Variants in SORCS3 observed in about 807,000 individuals in gnomAD.
SORCS3 encodes the protein sortilin related VPS10 domain containing receptor 3, also known as VPS10 domain-containing receptor SorCS3.
SORCS3 carries 57 observed loss-of-function variants against 146.3 expected under a neutral mutation model. That is an observed-to-expected ratio of 0.39 (90% CI 0.31 to 0.49). The LOEUF is 0.49. Among genes scored for constraint, SORCS3 ranks in the 20% least tolerant of loss-of-function variants. The pLI, the probability that SORCS3 is intolerant of heterozygous loss-of-function variation, is 0.92. For synonymous variants in SORCS3, 653 were observed against 618.5 expected, an observed-to-expected ratio of 1.06 and a Z score of -0.83; for missense variants, 1,341 against 1,575.5, an observed-to-expected ratio of 0.85 and a Z score of 2.52.
At chr10:105,208,546 C>A (rs892039544) in intron 16 of SORCS3, among the ~76,000 whole-genome samples, 2 of 151,082 alleles carry the variant, frequency 1.3e-5, no homozygotes, top group African/African-American at 4.9e-5. Context: ...TAGCTAGTAC[C>A]ACAACATTAT....
chr10:105,183,640 G>A (rs756882471), intron 14 of SORCS3, among the ~76,000 whole-genome samples: 2 of 152,108 alleles, frequency 1.3e-5, no homozygotes, highest in Non-Finnish European at 1.5e-5. Context: ...CGGCAAATCC[G>A]GTGGAACTCC....
At chr10:105,044,767 G>A (rs1194824000) in intron 5 of SORCS3, among the ~76,000 whole-genome samples, 2 of 151,762 alleles carry the variant, frequency 1.3e-5, no homozygotes, top group Non-Finnish European at 2.9e-5. Context: ...AAGGGAGTTG[G>A]CAGTATTGCT....
At chr10:105,027,378 A>G (rs1201401745) in intron 4 of SORCS3, among the ~76,000 whole-genome samples, 1 of 152,200 alleles carries the variant, frequency 6.6e-6, no homozygotes, top group Non-Finnish European at 1.5e-5. Flanking sequence ...GCAAGTACAA[A>G]TTGTCAATGT....
chr10:104,951,751 A>G (rs1228153105), intron 3 of SORCS3, among the ~76,000 whole-genome samples: 1 of 152,180 alleles, frequency 6.6e-6, no homozygotes, highest in Non-Finnish European at 1.5e-5. Context: ...TGAACCCTGG[A>G]GAAAACTGGC....
intron 1 of SORCS3, among the ~76,000 whole-genome samples, chr10:104,749,794 G>T (rs1414081169): frequency 1.3e-5 from 2 of 152,122 alleles, no homozygotes; most frequent in East Asian, 1.9e-4. Flanking sequence ...TTCATATTTT[G>T]CATACATTTC....
chr10:104,999,973 T>C (rs1412525989), intron 4 of SORCS3, among the ~76,000 whole-genome samples: 1 of 152,154 alleles, frequency 6.6e-6, no homozygotes, highest in Admixed American at 6.6e-5. Flanking sequence ...AAAACTTTTT[T>C]TTTCAATAAT....
rs547948950 is a variant in SORCS3, at chr10:104,725,706, C to A, written c.627+83752C>A. Among the ~76,000 whole-genome samples, 218 of 152,266 alleles carry A rather than the reference C, an allele frequency of 1.4e-3. 2 individuals carry two copies. The highest frequency in any genetic ancestry group is 0.013 in the Admixed American group (206 of 15,300). ...GACCCTCCCCCAGCCTCACTGCCAC[C>A]TTGCAGTTTGATCTCAGACTGCTGT... is the stretch of plus-strand genomic sequence containing the variant. On this transcript the variant is annotated intron_variant, in intron 1 of 26. Transcript: ENST00000369701.
At chr10:105,090,684 C>A (rs982581993) in intron 6 of SORCS3, among the ~76,000 whole-genome samples, 9 of 152,174 alleles carry the variant, frequency 5.9e-5, no homozygotes, top group African/African-American at 2.2e-4. Flanking sequence ...CTCTGTTACC[C>A]TCTGGCCTTG....
chr10:104,649,923 A>G (rs549144812), intron 1 of SORCS3, among the ~76,000 whole-genome samples: 6 of 152,340 alleles, frequency 3.9e-5, no homozygotes, highest in African/African-American at 1.4e-4. Flanking sequence ...TCTTGAGGGA[A>G]GTGAGTAAAG....
chr10:105,119,404 G>A (rs777228842), intron 7 of SORCS3, among the ~76,000 whole-genome samples: 6 of 152,152 alleles, frequency 3.9e-5, no homozygotes, highest in Non-Finnish European at 7.4e-5. Flanking sequence ...TGTGGGGTGC[G>A]AGCCTCCACA....
chr10:105,027,210 AT>A (rs2133692877), intron 4 of SORCS3, among the ~76,000 whole-genome samples: 1 of 151,886 alleles, frequency 6.6e-6, no homozygotes, highest in South Asian at 2.1e-4. Context: ...CTGCCCTTTC[AT>A]TTCCTTCAGG....
chr10:104,756,639 A>G (rs1381081217), intron 1 of SORCS3, among the ~76,000 whole-genome samples: 4 of 152,208 alleles, frequency 2.6e-5, no homozygotes, highest in Non-Finnish European at 5.9e-5. Context: ...AGAGTGGAGA[A>G]AGCCACAGCA....
chr10:105,072,764 A>G, intron 5 of SORCS3, among the ~76,000 whole-genome samples: 1 of 143,944 alleles, frequency 6.9e-6, no homozygotes, highest in African/African-American at 2.6e-5. Context: ...CCGTAGCCAG[A>G]TGATGTGTCT....
At chr10:104,726,759 C>T (rs1349402606) in intron 1 of SORCS3, among the ~76,000 whole-genome samples, 1 of 152,030 alleles carries the variant, frequency 6.6e-6, no homozygotes, top group Non-Finnish European at 1.5e-5. Flanking sequence ...AAAAAACTGC[C>T]CTATTCCCAC....
At chr10:105,211,049 A>G (rs1293084451) in intron 16 of SORCS3, 88 bp from the exon 17 acceptor site, 1 of 813,560 alleles carries the variant, frequency 1.2e-6, no homozygotes, top group Non-Finnish European at 2.1e-6. Flanking sequence ...CTGGATGGCA[A>G]TAGGGACATG....
rs555056764 is a variant in SORCS3 at position 105,131,435 on chromosome 10, G to A, written c.1213-7962G>A. On this transcript the variant is annotated intron_variant, in intron 7 of 26. Transcript: ENST00000369701. ...TCCACATGTCATTTCTTATTAATAC[G>A]ACAGCTCTCGTGTAAGCCCAATTAT... is the stretch of plus-strand genomic sequence containing the variant. 5.9e-5 allele frequency among the ~76,000 whole-genome samples: 9 copies of A among 152,172 alleles called. No individual in the cohort carries two copies. In the East Asian group the frequency reaches 1.4e-3, roughly 23 times the overall value.
At chr10:104,986,102 A>C (rs542551923) in intron 4 of SORCS3, among the ~76,000 whole-genome samples, 2 of 152,356 alleles carry the variant, frequency 1.3e-5, no homozygotes, top group South Asian at 4.1e-4. Flanking sequence ...ACTGTCTTCC[A>C]ATAGAAGGCT....
intron 2 of SORCS3, among the ~76,000 whole-genome samples, chr10:104,892,305 T>C (rs1302093542): frequency 6.6e-6 from 1 of 152,218 alleles, no homozygotes; most frequent in East Asian, 1.9e-4. Context: ...AGTGAGATTT[T>C]TACCTTACTC....
intron 19 of SORCS3, chr10:105,217,705 T>C: frequency 7.2e-6 from 3 of 416,966 alleles, no homozygotes; most frequent in South Asian, 5.2e-5. Context: ...TCTATTTCAT[T>C]GCTATTGGCT....
Sources: gnomAD v4.1 joint callset for allele counts (sites outside exome capture counted in the v4.1 genomes callset) on GRCh38, gnomAD v4.1.1 for gene constraint, MANE v1.5 for transcripts, NCBI Gene and HGNC (gene_info 2026-07-23, HGNC 2026-07-21) for gene names.